DPY19L3: variants seen among roughly 807,000 people sequenced by gnomAD.
DPY19L3 encodes the protein dpy-19 like C-mannosyltransferase 3.
DPY19L3 carries 51 observed loss-of-function variants against 92.3 expected under a neutral mutation model. The observed-to-expected ratio is 0.55, with a 90% CI of 0.44 to 0.70. DPY19L3 has a LOEUF of 0.70. Among genes scored for constraint, DPY19L3 ranks in the 30% least tolerant of loss-of-function variants. The pLI is 0.00. For synonymous variants in DPY19L3, 309 were observed against 315.2 expected, an observed-to-expected ratio of 0.98 and a Z score of 0.21; for missense variants, 706 against 855.9, an observed-to-expected ratio of 0.82 and a Z score of 2.18.
chr19:32,431,435 GGTTT>G (rs1487196722), intron 3 of DPY19L3, among the ~76,000 whole-genome samples: 2 of 151,626 alleles, frequency 1.3e-5, no homozygotes, highest in Admixed American at 6.6e-5. Context: ...TTTAGGACAT[GGTTT>G]GTTTTGTTTT....
chr19:32,433,933 G>A (rs1969052166), intron 4 of DPY19L3, among the ~76,000 whole-genome samples: 1 of 152,172 alleles, frequency 6.6e-6, no homozygotes, highest in Non-Finnish European at 1.5e-5. Context: ...CAGAGGGGAT[G>A]CAAATTAGTG....
At chr19:32,410,439 T>G (rs1244517269) in intron 2 of DPY19L3, among the ~76,000 whole-genome samples, 2 of 152,186 alleles carry the variant, frequency 1.3e-5, no homozygotes, top group Non-Finnish European at 2.9e-5. Context: ...CTGTGGGTTT[T>G]TCCCCCCAGA....
chr19:32,406,204 C>G (rs1373283679), intron 1 of DPY19L3: 2 of 152,266 alleles, frequency 1.3e-5, no homozygotes, highest in Non-Finnish European at 2.9e-5. Flanking sequence ...CGCTCGCGGT[C>G]TTGGGAGAGC....
chr19:32,424,764 C>G (rs1410840886), intron 3 of DPY19L3, among the ~76,000 whole-genome samples: 1 of 152,154 alleles, frequency 6.6e-6, no homozygotes, highest in Non-Finnish European at 1.5e-5. Context: ...TCAAGGGACT[C>G]AGAATAGCTA....
In DPY19L3 at chr19:32,484,190, T is replaced by C. The variant is rs1270809583; in HGVS notation, c.*1950T>C. 1 of 152,510 alleles carries C rather than the reference T, an allele frequency of 6.6e-6. No individual in the cohort carries two copies. The highest frequency in any genetic ancestry group is 1.5e-5 in the Non-Finnish European group (1 of 68,018). 9.4% of individuals were successfully genotyped at this position (152,510 alleles called of 1,614,324 possible). A position where few individuals can be genotyped will look rare whatever the true frequency, so the allele number is the denominator to read the frequency against. ...AGTGCTCAGTCTTCAGTGAAAAATA[T>C]AAAGTGCCAAAAAAATCTTGCAAGA... On this transcript the variant is annotated 3_prime_UTR_variant, in exon 19 of 19. Coordinates refer to ENST00000392250, the MANE Select transcript of DPY19L3 (RefSeq NM_001172774.2).
chr19:32,439,008 T>C, intron 6 of DPY19L3, 104 bp from the exon 7 acceptor site: 3 of 1,255,040 alleles, frequency 2.4e-6, no homozygotes, highest in Non-Finnish European at 3.3e-6. Flanking sequence ...GCCAGAATCT[T>C]AAGTATACTT....
At chr19:32,453,552 T>C (rs1943829684) in intron 9 of DPY19L3, among the ~76,000 whole-genome samples, 1 of 152,170 alleles carries the variant, frequency 6.6e-6, no homozygotes, top group Admixed American at 6.5e-5. Flanking sequence ...ATGCCACTGA[T>C]TTAAAATTGA....
intron 8 of DPY19L3, among the ~76,000 whole-genome samples, chr19:32,443,218 A>G (rs150866704): frequency 2.0e-5 from 3 of 152,306 alleles, no homozygotes; most frequent in East Asian, 3.9e-4. Flanking sequence ...TCACCCAGCA[A>G]TAAGGAAGTA....
Position 32,482,921 on chromosome 19 carries a change from G to A in DPY19L3, c.*681G>A, listed in dbSNP as rs185288812. On this transcript the variant is annotated 3_prime_UTR_variant, in exon 19 of 19. Transcript: ENST00000392250. ...GTGTTTTAATGCTGGGCACAGAAAA[G>A]TGTTACAAGTTCCATATCGTAAGTC... The A allele has an allele frequency of 3.3e-5, 5 of 152,318 alleles. No individual in the cohort carries two copies. In the East Asian group the frequency reaches 5.8e-4, roughly 18 times the overall value. The allele number at this position is 152,318 out of a possible 1,614,324, so 9.4% of individuals were successfully genotyped here.
intron 6 of DPY19L3, among the ~76,000 whole-genome samples, chr19:32,437,989 A>G (rs1568337654): frequency 6.6e-6 from 1 of 152,150 alleles, no homozygotes; most frequent in Non-Finnish European, 1.5e-5. Flanking sequence ...AGTTTTAATT[A>G]TATCTTCACT....
chr19:32,452,444 G>C (rs1969732585), intron 8 of DPY19L3, among the ~76,000 whole-genome samples: 1 of 152,180 alleles, frequency 6.6e-6, no homozygotes, highest in Non-Finnish European at 1.5e-5. Flanking sequence ...CTAAAGTATA[G>C]AGTATGGAAA....
At chr19:32,438,969 A>T in intron 6 of DPY19L3, 143 bp from the exon 7 acceptor site, 1 of 817,490 alleles carries the variant, frequency 1.2e-6, no homozygotes, top group Non-Finnish European at 1.9e-6. Context: ...GATGATGATG[A>T]TGATAAGGAC....
intron 15 of DPY19L3, chr19:32,467,409 TC>T: frequency 1.0e-6 from 1 of 983,312 alleles, no homozygotes; most frequent in Non-Finnish European, 1.2e-6. Flanking sequence ...GAAACATAGA[TC>T]ATTGAAATAT....
chr19:32,442,333 G>A (rs184041785), intron 8 of DPY19L3, among the ~76,000 whole-genome samples: 11 of 152,202 alleles, frequency 7.2e-5, no homozygotes, highest in Non-Finnish European at 1.5e-4. Context: ...CTTAATTAAA[G>A]GCTAAAATAT....
chr19:32,417,107 G>T (rs1968403350), intron 3 of DPY19L3, among the ~76,000 whole-genome samples: 1 of 152,220 alleles, frequency 6.6e-6, no homozygotes, highest in Non-Finnish European at 1.5e-5. Flanking sequence ...TATCTCCCAG[G>T]AACTGGGGAC....
chr19:32,444,535 C>T (rs1168490873), intron 8 of DPY19L3, among the ~76,000 whole-genome samples: 1 of 152,020 alleles, frequency 6.6e-6, no homozygotes, highest in Non-Finnish European at 1.5e-5. Context: ...TTTACTGAAG[C>T]TGAAAAAAGT....
chr19:32,466,749 GTC>G (rs1568356818), intron 15 of DPY19L3, among the ~76,000 whole-genome samples: 4 of 152,250 alleles, frequency 2.6e-5, no homozygotes, highest in Admixed American at 2.0e-4. Flanking sequence ...TGTTGGCCTA[GTC>G]TCTCTTGATA....
chr19:32,482,487 GTGACCTAGAA>G lies in DPY19L3; in HGVS notation c.*249_*258del, dbSNP rs1303874489. ...CCTAAATGTTAACAACTTTCTAAGAGTGACCTAGAATTATGTTGTTGGAGAGAATGATGTG... is the reference window on the plus strand; with the variant it reads ...CCTAAATGTTAACAACTTTCTAAGAGTTATGTTGTTGGAGAGAATGATGTG... On this transcript the variant is annotated 3_prime_UTR_variant, in exon 19 of 19. Transcript: ENST00000392250. The G allele has an allele frequency of 2.4e-6, 1 of 413,190 alleles. No homozygotes were observed. The highest frequency in any genetic ancestry group is 4.3e-6 in the Non-Finnish European group (1 of 231,528). The allele number at this position is 413,190 out of a possible 1,614,324, so 25.6% of individuals were successfully genotyped here.
chr19:32,417,507 GAT>G (rs1315366010), intron 3 of DPY19L3, among the ~76,000 whole-genome samples: 2 of 152,134 alleles, frequency 1.3e-5, no homozygotes, highest in Non-Finnish European at 2.9e-5. Flanking sequence ...TTTTAGTAGA[GAT>G]GGGATTTCAC....
Sources: gnomAD v4.1 joint callset for allele counts (sites outside exome capture counted in the v4.1 genomes callset) on GRCh38, gnomAD v4.1.1 for gene constraint, MANE v1.5 for transcripts, NCBI Gene and HGNC (gene_info 2026-07-23, HGNC 2026-07-21) for gene names.